The following PPFIBP2 variants were observed in gnomAD, a reference collection of about 807,000 sequenced individuals.
PPFIBP2 encodes PPFIB scaffold protein 2.
In PPFIBP2, 118 loss-of-function variants were observed where a neutral mutation model predicts 118.3. The ratio of observed to expected loss-of-function variants is 1.00; its 90% CI spans 0.86 to 1.16. The LOEUF is 1.16. PPFIBP2 is among the 50% of genes most tolerant of loss of function. The pLI is 0.00. For synonymous variants in PPFIBP2, 414 were observed against 397.4 expected, an observed-to-expected ratio of 1.04 and a Z score of -0.50; for missense variants, 1,195 against 1,073.1, an observed-to-expected ratio of 1.11 and a Z score of -1.59.
intron 5 of PPFIBP2, among the ~76,000 whole-genome samples, chr11:7,603,221 T>C (rs564570284): frequency 6.6e-6 from 1 of 152,338 alleles, no homozygotes; most frequent in East Asian, 1.9e-4. Flanking sequence ...CAAAATTCCC[T>C]CTGGGGATCT....
At chr11:7,660,147 T>A (rs1247068718), downstream of PPFIBP2, among the ~76,000 whole-genome samples, 143 of 127,618 alleles carry the variant, frequency 1.1e-3, 36 homozygotes, top group Non-Finnish European at 2.2e-3. Flanking sequence ...TATTTCCTTC[T>A]CCTGCCTAAT....
chr11:7,593,348 T>A (rs1859688282), intron 4 of PPFIBP2, 124 bp downstream of exon 4: 1 of 1,365,270 alleles, frequency 7.3e-7, no homozygotes, highest in East Asian at 2.6e-5. Context: ...TGCCTATGTT[T>A]TTAGAAAAGA....
chr11:7,580,655 T>G (rs1857132458), intron 3 of PPFIBP2, among the ~76,000 whole-genome samples: 1 of 152,184 alleles, frequency 6.6e-6, no homozygotes, highest in Non-Finnish European at 1.5e-5. Context: ...GAGGCCTGAA[T>G]TAGAATCCTG....
At position 7,639,721 on chromosome 11, in the gene PPFIBP2, C is replaced by G. The variant is rs760114189; in HGVS notation, c.1237-11C>G. 1.2e-6 allele frequency: 2 copies of G among 1,613,996 alleles called. No homozygotes were observed. Among genetic ancestry groups the G allele is most frequent in the East Asian group, 2.2e-5 (1 of 44,864 alleles). ...AGTCGGTATCTCTCTCTTTCTCTCA[C>G]CTTCCAATAGGACAGCCCTTTCTTG... On this transcript the variant is annotated splice_polypyrimidine_tract_variant and intron_variant, in intron 14 of 23. Transcript: ENST00000299492.
intron 23 of PPFIBP2, 60 bp from the exon 24 acceptor site, chr11:7,652,964 A>T: frequency 6.6e-7 from 1 of 1,507,648 alleles, no homozygotes; most frequent in Non-Finnish European, 9.0e-7. Flanking sequence ...GTATATTGTC[A>T]GTCATACCTG....
chr11:7,565,862 T>C, intron 3 of PPFIBP2, 95 bp downstream of exon 3: 1 of 1,342,566 alleles, frequency 7.4e-7, no homozygotes, highest in Non-Finnish European at 1.0e-6. Flanking sequence ...GAGTCATCTG[T>C]ATACCTTCCA....
At chr11:7,537,747 C>T (rs1230768837) in intron 1 of PPFIBP2, among the ~76,000 whole-genome samples, 1 of 152,176 alleles carries the variant, frequency 6.6e-6, no homozygotes, top group Non-Finnish European at 1.5e-5. Flanking sequence ...GCTCTGCTCC[C>T]TGGATGCTGT....
chr11:7,603,309 C>G (rs1171104662), intron 5 of PPFIBP2, among the ~76,000 whole-genome samples: 1 of 152,196 alleles, frequency 6.6e-6, no homozygotes, highest in African/African-American at 2.4e-5. Flanking sequence ...GATACTTTAA[C>G]TCCATTTTAC....
At chr11:7,647,415 T>TTC (rs1853261799) in intron 17 of PPFIBP2, among the ~76,000 whole-genome samples, 1 of 152,198 alleles carries the variant, frequency 6.6e-6, no homozygotes, top group South Asian at 2.1e-4. Context: ...AATCTAGCTT[T>TTC]TCATTTATTC....
At chr11:7,571,807 A>T (rs1344449286) in intron 3 of PPFIBP2, 5 of 152,176 alleles carry the variant, frequency 3.3e-5, no homozygotes, top group African/African-American at 9.7e-5. Context: ...AGGTGGCATC[A>T]GTGGTGGTTC....
chr11:7,516,125 A>G (rs1849207072), intron 1 of PPFIBP2, among the ~76,000 whole-genome samples: 1 of 152,208 alleles, frequency 6.6e-6, no homozygotes, highest in African/African-American at 2.4e-5. Flanking sequence ...TGTTTTTACC[A>G]AGTTCCCCCA....
chr11:7,515,756 G>C (rs1041135131), intron 1 of PPFIBP2, among the ~76,000 whole-genome samples: 3 of 152,188 alleles, frequency 2.0e-5, no homozygotes, highest in Admixed American at 1.3e-4. Context: ...GGCACAGCAG[G>C]GGACTGACTG....
At chr11:7,633,472 C>T (rs6578888) in intron 12 of PPFIBP2, among the ~76,000 whole-genome samples, 150,902 of 152,282 alleles carry the variant, frequency 0.99, 74,787 homozygotes, top group Middle Eastern at 1. Context: ...TCCCTATGTC[C>T]GTACTTCAGC....
intron 23 of PPFIBP2, 52 bp from the exon 24 acceptor site, chr11:7,652,972 C>G: frequency 6.4e-7 from 1 of 1,554,812 alleles, no homozygotes; most frequent in Non-Finnish European, 8.7e-7. Context: ...TCAGTCATAC[C>G]TGCACACTGC....
At chr11:7,605,916 T>C in intron 5 of PPFIBP2, 1 of 1,521,038 alleles carries the variant, frequency 6.6e-7, no homozygotes, top group Non-Finnish European at 8.8e-7. Context: ...GCAAAGCCTG[T>C]TGGAGCTGAG....
the PPFIBP2 span, chr11:7,666,069 G>A: frequency 2.2e-5 from 15 of 694,500 alleles, no homozygotes; most frequent in Non-Finnish European, 3.8e-5. Context: ...TCCAGGTGAG[G>A]TGGGCGGTAA....
intron 5 of PPFIBP2, among the ~76,000 whole-genome samples, chr11:7,606,984 A>C (rs1402117101): frequency 3.1e-5 from 4 of 127,002 alleles, no homozygotes; most frequent in South Asian, 2.5e-4. Flanking sequence ...GATCTCGGCT[A>C]ACTGCAAGCT....
At chr11:7,636,811 T>A (rs974795680) in intron 14 of PPFIBP2, among the ~76,000 whole-genome samples, 1 of 152,206 alleles carries the variant, frequency 6.6e-6, no homozygotes, top group African/African-American at 2.4e-5. Context: ...CAACCTCAGT[T>A]ATTCAACATG....
intron 6 of PPFIBP2, chr11:7,617,045 A>C: frequency 2.4e-6 from 2 of 836,388 alleles, no homozygotes; most frequent in Non-Finnish European, 2.9e-6. Flanking sequence ...TGTTCTCTTA[A>C]GGAGTTCTGC....
Sources: gnomAD v4.1 joint callset for allele counts (sites outside exome capture counted in the v4.1 genomes callset) on GRCh38, gnomAD v4.1.1 for gene constraint, MANE v1.5 for transcripts, NCBI Gene and HGNC (gene_info 2026-07-23, HGNC 2026-07-21) for gene names.